Variants in PRKACB observed in about 807,000 individuals in gnomAD.
PRKACB encodes protein kinase cAMP-activated catalytic subunit beta.
Under a neutral mutation model 51.4 loss-of-function variants are expected in PRKACB, and 16 were observed. The observed-to-expected ratio is 0.31, with a 90% CI of 0.21 to 0.47. The LOEUF (loss-of-function observed/expected upper bound fraction) is 0.47, where lower values mean the gene tolerates loss of function less well. Among genes scored for constraint, PRKACB ranks in the 20% least tolerant of loss-of-function variants. The pLI, the probability that PRKACB is intolerant of heterozygous loss-of-function variation, is 1.00. For synonymous variants in PRKACB, 147 were observed against 154.4 expected, an observed-to-expected ratio of 0.95 and a Z score of 0.35; for missense variants, 309 against 464.5, an observed-to-expected ratio of 0.67 and a Z score of 3.08.
intron 1 of PRKACB, among the ~76,000 whole-genome samples, chr1:84,156,478 C>G (rs1655519182): frequency 6.6e-6 from 1 of 152,128 alleles, no homozygotes; most frequent in South Asian, 2.1e-4. Context: ...AAGGTTATGT[C>G]AAAGGATTTC....
At chr1:84,162,835 C>T (rs1015458020) in intron 1 of PRKACB, among the ~76,000 whole-genome samples, 6 of 151,914 alleles carry the variant, frequency 3.9e-5, no homozygotes, top group African/African-American at 1.5e-4. Context: ...TTTTTTTCCT[C>T]ATTGTGGATC....
chr1:84,169,815 C>G (rs1558085294), intron 1 of PRKACB, among the ~76,000 whole-genome samples: 1 of 151,460 alleles, frequency 6.6e-6, no homozygotes, highest in Non-Finnish European at 1.5e-5. Context: ...TAAATACATC[C>G]TGGTGAGCAT....
At chr1:84,198,824 T>C (rs1668943911) in intron 7 of PRKACB, among the ~76,000 whole-genome samples, 1 of 149,640 alleles carries the variant, frequency 6.7e-6, no homozygotes, top group African/African-American at 2.4e-5. Flanking sequence ...CATTCATATA[T>C]GTATGTACAT....
At chr1:84,191,316 G>A (rs980562333) in intron 5 of PRKACB, among the ~76,000 whole-genome samples, 1 of 151,928 alleles carries the variant, frequency 6.6e-6, no homozygotes, top group Admixed American at 6.6e-5. Flanking sequence ...TTCTTAGATG[G>A]AATTTTTTTT....
chr1:84,110,971 C>A (rs996268644), intron 1 of PRKACB, among the ~76,000 whole-genome samples: 2 of 151,978 alleles, frequency 1.3e-5, no homozygotes, highest in Admixed American at 6.6e-5. Context: ...CCCTTCATTT[C>A]TAATTTCACT....
At chr1:84,234,844 C>G (rs1033239715) in intron 9 of PRKACB, among the ~76,000 whole-genome samples, 1 of 152,204 alleles carries the variant, frequency 6.6e-6, no homozygotes, top group Non-Finnish European at 1.5e-5. Context: ...AACCTGGTAC[C>G]TCAGATGGAA....
chr1:84,237,906 G>A lies in PRKACB; in HGVS notation c.*2601G>A, dbSNP rs905483114. Reference sequence around the variant, plus strand: ...TCTGTAAAATGGAAGAACTGGATTAGGCAGTTTGTAAGATTCCTCCTAACT... The same window carrying A: ...TCTGTAAAATGGAAGAACTGGATTAAGCAGTTTGTAAGATTCCTCCTAACT... On this transcript the variant is annotated 3_prime_UTR_variant, in exon 10 of 10. Transcript: ENST00000370685. 4 of 152,082 alleles carry A rather than the reference G, an allele frequency of 2.6e-5. No homozygotes were observed. Among genetic ancestry groups the A allele is most frequent in the African/African-American group, 4.8e-5 (2 of 41,440 alleles). 9.4% of individuals were successfully genotyped at this position (152,082 alleles called of 1,614,324 possible).
At chr1:84,155,399 T>G (rs964765717) in intron 1 of PRKACB, among the ~76,000 whole-genome samples, 25 of 152,154 alleles carry the variant, frequency 1.6e-4, no homozygotes, top group African/African-American at 6.0e-4. Context: ...TATCTAATGT[T>G]TATGGATCTG....
At chr1:84,214,786 C>T (rs146581827) in intron 9 of PRKACB, among the ~76,000 whole-genome samples, 106 of 152,288 alleles carry the variant, frequency 7.0e-4, no homozygotes, top group African/African-American at 2.5e-3. Flanking sequence ...TGAGTCATCA[C>T]ACCTGGCCTT....
intron 1 of PRKACB, among the ~76,000 whole-genome samples, chr1:84,150,884 C>T (rs1200727847): frequency 6.6e-6 from 1 of 152,152 alleles, no homozygotes; most frequent in Admixed American, 6.5e-5. Context: ...GAGAATTTAA[C>T]TCCATTCTTA....
At chr1:84,155,918 C>CTA (rs1262131984) in intron 1 of PRKACB, among the ~76,000 whole-genome samples, 3 of 152,128 alleles carry the variant, frequency 2.0e-5, no homozygotes, top group Non-Finnish European at 4.4e-5. Context: ...TCAAGTATTG[C>CTA]TATACTCCTA....
intron 1 of PRKACB, among the ~76,000 whole-genome samples, chr1:84,102,038 C>A (rs1221312678): frequency 6.6e-6 from 1 of 151,912 alleles, no homozygotes; most frequent in African/African-American, 2.4e-5. Flanking sequence ...TTTGCTATGA[C>A]CTCAGATAAT....
intron 5 of PRKACB, among the ~76,000 whole-genome samples, chr1:84,190,554 C>T (rs926297395): frequency 6.6e-6 from 1 of 151,788 alleles, no homozygotes; most frequent in Non-Finnish European, 1.5e-5. Context: ...TTTATTAAAT[C>T]AGTAATATTA....
intron 9 of PRKACB, among the ~76,000 whole-genome samples, chr1:84,228,516 ATT>A (rs5775781): frequency 2.1e-3 from 312 of 150,374 alleles, no homozygotes; most frequent in East Asian, 0.014. Flanking sequence ...GCAGATTATG[ATT>A]TTTTTTTTTT....
chr1:84,232,705 G>C (rs2101709260), intron 9 of PRKACB, among the ~76,000 whole-genome samples: 1 of 152,182 alleles, frequency 6.6e-6, no homozygotes, highest in African/African-American at 2.4e-5. Context: ...TTGGTTTAAA[G>C]TCTGTTTTAT....
intron 9 of PRKACB, among the ~76,000 whole-genome samples, chr1:84,229,875 TG>T (rs1385944798): frequency 3.3e-5 from 5 of 152,294 alleles, no homozygotes; most frequent in African/African-American, 1.2e-4. Flanking sequence ...TCTCCCATTT[TG>T]TAGGTTGCCT....
chr1:84,145,403 T>TAGC, intron 1 of PRKACB, among the ~76,000 whole-genome samples: 1 of 152,254 alleles, frequency 6.6e-6, no homozygotes, highest in South Asian at 2.1e-4. Context: ...GATCATCAAA[T>TAGC]AGCACTAGCG....
intron 1 of PRKACB, among the ~76,000 whole-genome samples, chr1:84,120,876 G>GT: frequency 6.6e-6 from 1 of 152,044 alleles, no homozygotes. Flanking sequence ...CCAGATACTT[G>GT]TTTTTTATGG....
At chr1:84,170,774 G>C (rs1659187250) in intron 1 of PRKACB, among the ~76,000 whole-genome samples, 1 of 151,480 alleles carries the variant, frequency 6.6e-6, no homozygotes, top group Non-Finnish European at 1.5e-5. Flanking sequence ...TATTAAATTA[G>C]TGACATAAAA....
Sources: allele counts gnomAD v4.1 joint callset (sites outside exome capture counted in the v4.1 genomes callset), GRCh38; gene constraint gnomAD v4.1.1; transcripts MANE v1.5; gene names NCBI Gene and HGNC (gene_info 2026-07-23, HGNC 2026-07-21).